The following PTPRK variants were observed in gnomAD, a reference collection of about 807,000 sequenced individuals.
PTPRK encodes protein tyrosine phosphatase receptor type K, also known as receptor-type tyrosine-protein phosphatase kappa.
In PTPRK, 75 loss-of-function variants were observed where a neutral mutation model predicts 178.0. That is an observed-to-expected ratio of 0.42 (90% CI 0.35 to 0.51). PTPRK has a LOEUF of 0.51. Ranked by LOEUF, PTPRK falls within the 20% of genes least tolerant of loss-of-function variation. PTPRK has a pLI of 0.02. For synonymous variants in PTPRK, 637 were observed against 620.6 expected (o/e 1.03, Z -0.39); for missense variants, 1,441 against 1,797.8 (o/e 0.80, Z 3.59).
At chr6:127,983,212 A>C in intron 23 of PTPRK, 30 bp downstream of exon 23, 1 of 1,517,492 alleles carries the variant, frequency 6.6e-7, no homozygotes. Flanking sequence ...AAAAAATAAA[A>C]AAAAGTCCAC....
intron 7 of PTPRK, among the ~76,000 whole-genome samples, chr6:128,124,025 T>A (rs1259630617): frequency 1.3e-5 from 2 of 150,534 alleles, no homozygotes; most frequent in Admixed American, 6.6e-5. Flanking sequence ...TTCCAAATAA[T>A]CCCTTCATTA....
At chr6:128,478,158 A>T (rs1027273546) in intron 1 of PTPRK, among the ~76,000 whole-genome samples, 6 of 152,150 alleles carry the variant, frequency 3.9e-5, no homozygotes, top group Non-Finnish European at 8.8e-5. Context: ...AAAAAGCAGA[A>T]CAAAGATCAA....
intron 16 of PTPRK, among the ~76,000 whole-genome samples, chr6:127,997,530 AATCTGGG>A (rs1331441171): frequency 6.6e-6 from 1 of 152,098 alleles, no homozygotes; most frequent in Non-Finnish European, 1.5e-5. Flanking sequence ...CTTCTTCAAG[AATCTGGG>A]AACAGAAGAA....
chr6:128,238,185 C>CAAAAAAAAA (rs58051125), intron 5 of PTPRK: 22 of 206,470 alleles, frequency 1.1e-4, no homozygotes, highest in Admixed American at 1.8e-4. Flanking sequence ...TAGCAAACGC[C>CAAAAAAAAA]AAAAAAAAAA....
intron 13 of PTPRK, among the ~76,000 whole-genome samples, chr6:128,025,497 T>C (rs1774153653): frequency 6.6e-6 from 1 of 152,210 alleles, no homozygotes; most frequent in Non-Finnish European, 1.5e-5. Flanking sequence ...ACTTAACAAC[T>C]GCATCTAAAA....
In PTPRK at chr6:128,489,984, G is replaced by A. The variant is rs968495361; in HGVS notation, c.100+30275C>T. Among the ~76,000 whole-genome samples, 16 of 152,150 alleles carry A rather than the reference G, an allele frequency of 1.1e-4. No individual in the cohort carries two copies. The East Asian group carries it at 2.3e-3, about 22-fold the overall frequency. ...GAAGCTTAAGTGTCTACGAAAAAACGCTACTACATTTTAAGAACTATTTTA... is the reference window on the plus strand; with the variant it reads ...GAAGCTTAAGTGTCTACGAAAAAACACTACTACATTTTAAGAACTATTTTA... On this transcript the variant is annotated intron_variant, in intron 1 of 29. Transcript: ENST00000368226.
rs572650191 is a variant in PTPRK, at chr6:128,174,926, C to T, written c.1162+9506G>A. Among the ~76,000 whole-genome samples the T allele has an allele frequency of 4.6e-5, 7 of 151,976 alleles. 1 individual carries two copies. Among genetic ancestry groups the T allele is most frequent in the African/African-American group, 1.7e-4 (7 of 41,534 alleles). On this transcript the variant is annotated intron_variant, in intron 7 of 29. Transcript: ENST00000368226. ...TACCTTCTAACCATTCTGGGCAGCT[C>T]AACACAGAAATGCATTCAGGCAGCC...
chr6:128,144,298 A>C (rs1057084132), intron 7 of PTPRK, among the ~76,000 whole-genome samples: 4 of 152,242 alleles, frequency 2.6e-5, no homozygotes, highest in Non-Finnish European at 4.4e-5. Flanking sequence ...CATGCAACTC[A>C]TATCAATTGC....
rs984660092 is a variant in PTPRK at position 128,082,360 on chromosome 6, A to C, written c.1777+77T>G. 5.3e-6 allele frequency: 7 copies of C among 1,330,928 alleles called. No homozygotes were observed. In the Admixed American group the frequency reaches 6.8e-5, roughly 13 times the overall value. The allele number at this position is 1,330,928 out of a possible 1,614,324, so 82.4% of individuals were successfully genotyped here. A position where few individuals can be genotyped will look rare whatever the true frequency, so the allele number is the denominator to read the frequency against. On this transcript the variant is annotated intron_variant, in intron 10 of 29. Transcript: ENST00000368226. ...AAGCAAGATGAACTACACTTGGTTT[A>C]TATGTGATTCTCCAGGATGTGCCAT...
At position 128,077,121 on chromosome 6, in the gene PTPRK, G is replaced by C. The variant is rs563385187; in HGVS notation, c.1883+1692C>G. On this transcript the variant is annotated intron_variant, in intron 11 of 29. Coordinates refer to ENST00000368226, the MANE Select transcript of PTPRK (RefSeq NM_002844.4). ...AACTCTTAAAAGATAAATGCAAGTA[G>C]CTGGTAGCTGATTTAAGCACCAGTA... Among the ~76,000 whole-genome samples the C allele has an allele frequency of 2.5e-4, 38 of 152,138 alleles. 1 individual carries two copies. In the South Asian group the frequency reaches 7.2e-3, roughly 29 times the overall value.
intron 1 of PTPRK, chr6:128,500,523 A>C (rs1855397560): frequency 6.6e-6 from 1 of 152,200 alleles, no homozygotes; most frequent in South Asian, 2.1e-4. Flanking sequence ...ATAGGCATAA[A>C]GGTAAGAGAT....
At position 128,340,646 on chromosome 6, in the gene PTPRK, C is replaced by T. The variant is rs1009480267; in HGVS notation, c.224-18336G>A. 2.0e-5 allele frequency: 6 copies of T among 293,682 alleles called. 1 individual carries two copies. Among genetic ancestry groups the T allele is most frequent in the South Asian group, 1.3e-4 (4 of 30,512 alleles). 18.2% of individuals were successfully genotyped at this position (293,682 alleles called of 1,614,324 possible). A position where few individuals can be genotyped will look rare whatever the true frequency, so the allele number is the denominator to read the frequency against. Reference sequence around the variant, plus strand: ...ACATACCATAAGTTTACTCATACAACACATGTATAAAATCAATACAGTTTA... The same window carrying T: ...ACATACCATAAGTTTACTCATACAATACATGTATAAAATCAATACAGTTTA... On this transcript the variant is annotated intron_variant, in intron 2 of 29. Transcript: ENST00000368226.
At chr6:128,315,176 A>G (rs1827830115) in intron 3 of PTPRK, among the ~76,000 whole-genome samples, 1 of 152,148 alleles carries the variant, frequency 6.6e-6, no homozygotes, top group African/African-American at 2.4e-5. Flanking sequence ...GAACCATGGT[A>G]TCTGTTTCTA....
intron 3 of PTPRK, among the ~76,000 whole-genome samples, chr6:128,266,640 A>T (rs535205927): frequency 6.6e-6 from 1 of 152,084 alleles, no homozygotes; most frequent in African/African-American, 2.4e-5. Context: ...TAACACCAAC[A>T]TGGAAGGCAA....
chr6:128,156,168 T>C (rs2114583431), intron 7 of PTPRK, among the ~76,000 whole-genome samples: 1 of 152,066 alleles, frequency 6.6e-6, no homozygotes, highest in East Asian at 1.9e-4. Flanking sequence ...AAGTTGAAAT[T>C]CCCAATATAA....
At chr6:128,445,288 GTATAT>G (rs1193216832) in intron 1 of PTPRK, among the ~76,000 whole-genome samples, 5 of 126,510 alleles carry the variant, frequency 4.0e-5, no homozygotes, top group Non-Finnish European at 8.4e-5. Context: ...ATATATAATA[GTATAT>G]TATATAAATA....
chr6:128,312,257 T>C (rs992207819), intron 3 of PTPRK, among the ~76,000 whole-genome samples: 6 of 152,180 alleles, frequency 3.9e-5, no homozygotes, highest in Non-Finnish European at 5.9e-5. Flanking sequence ...TCATGGCCAG[T>C]TACTTCACAG....
At chr6:128,441,201 T>C (rs1325097060) in intron 1 of PTPRK, among the ~76,000 whole-genome samples, 2 of 152,234 alleles carry the variant, frequency 1.3e-5, no homozygotes, top group East Asian at 3.8e-4. Flanking sequence ...TATTTCCTTT[T>C]CTGTAAATGG....
At chr6:128,147,363 T>G (rs1344016840) in intron 7 of PTPRK, among the ~76,000 whole-genome samples, 1 of 152,324 alleles carries the variant, frequency 6.6e-6, no homozygotes. Flanking sequence ...TCAGAAAAAC[T>G]ATTAATCATC....
Sources: allele counts gnomAD v4.1 joint callset (sites outside exome capture counted in the v4.1 genomes callset), GRCh38; gene constraint gnomAD v4.1.1; transcripts MANE v1.5; gene names NCBI Gene and HGNC (gene_info 2026-07-23, HGNC 2026-07-21).